ZNF407: variants seen among roughly 807,000 people sequenced by gnomAD.
The protein encoded by ZNF407 is zinc finger protein 407.
A neutral mutation model predicts 131.2 loss-of-function variants in ZNF407; 17 were observed. That is an observed-to-expected ratio of 0.13 (90% confidence interval 0.09 to 0.19). ZNF407 has a LOEUF of 0.19. Ranked by LOEUF, ZNF407 falls within the 10% of genes least tolerant of loss-of-function variation. ZNF407 has a pLI of 1.00. For missense variants in ZNF407, 2,681 were observed against 2,830.6 expected, an observed-to-expected ratio of 0.95 and a Z score of 1.20; for synonymous variants, 1,156 against 1,062.0, an observed-to-expected ratio of 1.09 and a Z score of -1.72.
chr18:74,829,242 A>G (rs1248254257), intron 4 of ZNF407, among the ~76,000 whole-genome samples: 1 of 152,204 alleles, frequency 6.6e-6, no homozygotes, highest in Non-Finnish European at 1.5e-5. Context: ...TTTTTGCTTT[A>G]TGCTTTTCTG....
chr18:74,790,682 C>T (rs1229316479), intron 4 of ZNF407, among the ~76,000 whole-genome samples: 1 of 152,176 alleles, frequency 6.6e-6, no homozygotes, highest in Non-Finnish European at 1.5e-5. Context: ...TATATGTTCA[C>T]TGTAGTCTTC....
intron 7 of ZNF407, among the ~76,000 whole-genome samples, chr18:74,900,864 T>TA (rs1971515260): frequency 6.6e-6 from 1 of 152,238 alleles, no homozygotes; most frequent in Non-Finnish European, 1.5e-5. Flanking sequence ...TCTGTGTTCT[T>TA]ATGTGCTAAA....
chr18:74,676,708 A>T (rs558771325), intron 3 of ZNF407, among the ~76,000 whole-genome samples: 1 of 152,160 alleles, frequency 6.6e-6, no homozygotes, highest in Non-Finnish European at 1.5e-5. Flanking sequence ...TGCTGGGATT[A>T]CAGACGTGAG....
chr18:74,809,604 A>C (rs1970164737), intron 4 of ZNF407, among the ~76,000 whole-genome samples: 1 of 152,218 alleles, frequency 6.6e-6, no homozygotes, highest in Non-Finnish European at 1.5e-5. Flanking sequence ...TGAGTTAAAT[A>C]GGTGGTTAAG....
chr18:75,037,231 A>T (rs528589155), intron 8 of ZNF407, among the ~76,000 whole-genome samples: 1 of 152,206 alleles, frequency 6.6e-6, no homozygotes, highest in Non-Finnish European at 1.5e-5. Context: ...ATTTAGGTAA[A>T]TAGAGAATAA....
chr18:74,917,495 A>G (rs1971788819), intron 7 of ZNF407, among the ~76,000 whole-genome samples: 1 of 152,128 alleles, frequency 6.6e-6, no homozygotes, highest in Non-Finnish European at 1.5e-5. Flanking sequence ...TTATATTTTC[A>G]AATAAAAGAA....
chr18:74,607,088 T>C (rs1982840519), intron 1 of ZNF407, among the ~76,000 whole-genome samples: 1 of 152,186 alleles, frequency 6.6e-6, no homozygotes, highest in Admixed American at 6.5e-5. Flanking sequence ...GTCTCAGAGA[T>C]TAGTTGTAGA....
chr18:74,856,530 C>T (rs1970861430), intron 4 of ZNF407, among the ~76,000 whole-genome samples: 1 of 152,050 alleles, frequency 6.6e-6, no homozygotes, highest in Non-Finnish European at 1.5e-5. Context: ...AAATGTAGAA[C>T]CTGGGGATGC....
At chr18:74,598,548 C>G (rs1295720830) in intron 1 of ZNF407, 2 of 152,340 alleles carry the variant, frequency 1.3e-5, no homozygotes, top group Non-Finnish European at 2.9e-5. Flanking sequence ...CCCAGGTGCC[C>G]TGGCTGCGCC....
intron 3 of ZNF407, among the ~76,000 whole-genome samples, chr18:74,732,299 T>A (rs1306251814): frequency 6.6e-6 from 1 of 152,186 alleles, no homozygotes; most frequent in African/African-American, 2.4e-5. Flanking sequence ...TTTTTCCTGC[T>A]TTCTGTAAGA....
At chr18:74,915,694 AGTGTGT>A (rs148897853) in intron 7 of ZNF407, among the ~76,000 whole-genome samples, 3 of 5,836 alleles carry the variant, frequency 5.1e-4, no homozygotes, top group African/African-American at 1.8e-3. Context: ...TCGAATCGGG[AGTGTGT>A]GTGTGTGTGT....
chr18:74,987,392 C>T (rs1008641050), intron 8 of ZNF407, among the ~76,000 whole-genome samples: 1 of 152,016 alleles, frequency 6.6e-6, no homozygotes, highest in African/African-American at 2.4e-5. Context: ...ATTACCAAAC[C>T]CAGTAAGATT....
rs1254840967 is a variant in ZNF407 at position 75,063,614 on chromosome 18, C to G, written c.5893C>G (p.Gln1965Glu). ...ESLSPGGAVI[Q>E]QVTKQEILNL... The stretch of plus-strand genomic sequence containing the variant: ...CCTCAGTCCAGGTGGCGCTGTGATA[C>G]AACAGGTGACCAAGCAGGAGATTTT... Residue 1965 changes from glutamine to glutamate, a missense_variant, in exon 9 of 9, where the codon CAA becomes GAA. By Grantham distance (29) the Gln-to-Glu change is conservative. Around this residue, in one of 6 missense-constraint regions of ZNF407, gnomAD observed 620 missense variants for 583.1 expected, o/e 1.06. Coordinates refer to ENST00000299687, the MANE Select transcript of ZNF407 (RefSeq NM_017757.3). The surrounding 1 kb of genome is among the most constrained non-coding windows in gnomAD (Gnocchi z 6.6). The G allele has an allele frequency of 6.3e-7, 1 of 1,581,536 alleles. No homozygotes were observed. The highest frequency in any genetic ancestry group is 8.6e-7 in the Non-Finnish European group (1 of 1,165,222).
chr18:74,680,397 C>T (rs1223058179), intron 3 of ZNF407, among the ~76,000 whole-genome samples: 1 of 66,948 alleles, frequency 1.5e-5, no homozygotes, highest in Non-Finnish European at 3.2e-5. Context: ...TGAGACCTTG[C>T]CTTAAAAAAA....
intron 4 of ZNF407, among the ~76,000 whole-genome samples, chr18:74,790,082 C>T (rs1027786744): frequency 6.6e-6 from 1 of 152,122 alleles, no homozygotes; most frequent in Non-Finnish European, 1.5e-5. Flanking sequence ...AGGTAATATA[C>T]ATGTTAATAT....
At chr18:74,756,578 T>A (rs1968969011) in intron 3 of ZNF407, among the ~76,000 whole-genome samples, 1 of 152,206 alleles carries the variant, frequency 6.6e-6, no homozygotes, top group African/African-American at 2.4e-5. Context: ...ATACTTTTTT[T>A]GATTTTTCTT....
At position 74,633,508 on chromosome 18, in the gene ZNF407, A is replaced by G. The variant is rs186694833; in HGVS notation, c.2489A>G (p.Asp830Gly). Residue 830 changes from aspartate (D) to glycine (G), a missense_variant, in exon 2 of 9, where the codon GAT becomes GGT. This residue lies in a region of ZNF407 where 1,789 missense variants were observed against 1,748.7 expected (regional missense o/e 1.02). Transcript: ENST00000299687. ...TCACAGTCTGGTGGTAGCACCAAAG[A>G]TGATGAATTAGCTTCAACCACTACT... ...ELSQSGGSTK[D>G]DELASTTTPK... The G allele has an allele frequency of 4.3e-6, 7 of 1,613,956 alleles. No individual in the cohort carries two copies. The East Asian group carries it at 1.3e-4, about 31-fold the overall frequency.
intron 4 of ZNF407, among the ~76,000 whole-genome samples, chr18:74,827,167 T>C (rs1017757979): frequency 6.6e-6 from 1 of 152,196 alleles, no homozygotes; most frequent in Admixed American, 6.5e-5. Flanking sequence ...TTTGGATTGA[T>C]CTGATGTTTT....
intron 4 of ZNF407, among the ~76,000 whole-genome samples, chr18:74,873,213 T>C (rs1971111829): frequency 6.6e-6 from 1 of 152,202 alleles, no homozygotes; most frequent in South Asian, 2.1e-4. Flanking sequence ...ATTCATGACA[T>C]CTAGCAACAC....
Sources: allele counts gnomAD v4.1 joint callset (sites outside exome capture counted in the v4.1 genomes callset), GRCh38; gene constraint gnomAD v4.1.1; regional missense constraint gnomAD v4.1.1; non-coding constraint Gnocchi (gnomAD v3.1); transcripts MANE v1.5; gene names NCBI Gene and HGNC (gene_info 2026-07-23, HGNC 2026-07-21).